Variants in LRFN2 observed in about 807,000 individuals in gnomAD.
LRFN2 encodes leucine rich repeat and fibronectin type III domain containing 2.
In LRFN2, 18 loss-of-function variants were observed where a neutral mutation model predicts 37.3. The observed-to-expected ratio is 0.48, with a 90% CI of 0.33 to 0.72. The LOEUF is 0.72. Among genes scored for constraint, LRFN2 ranks in the 30% least tolerant of loss-of-function variants. LRFN2 has a pLI of 0.02. For missense variants in LRFN2, 1,006 were observed against 1,060.7 expected, an observed-to-expected ratio of 0.95 and a Z score of 0.72; for synonymous variants, 556 against 466.6, an observed-to-expected ratio of 1.19 and a Z score of -2.47.
intron 1 of LRFN2, among the ~76,000 whole-genome samples, chr6:40,467,177 A>C (rs1764488968): frequency 6.6e-6 from 1 of 150,746 alleles, no homozygotes; most frequent in Non-Finnish European, 1.5e-5. Flanking sequence ...GATGATGATG[A>C]TGATGATGAT....
chr6:40,556,564 C>A (rs1766884149), intron 1 of LRFN2, among the ~76,000 whole-genome samples: 1 of 152,012 alleles, frequency 6.6e-6, no homozygotes, highest in African/African-American at 2.4e-5. Flanking sequence ...TGCTACACTG[C>A]TTGTCCTGAG....
chr6:40,538,082 C>G (rs1293249206), intron 1 of LRFN2, among the ~76,000 whole-genome samples: 2 of 152,194 alleles, frequency 1.3e-5, no homozygotes, highest in East Asian at 3.9e-4. Context: ...AACGCTAAGG[C>G]AGAGGCTGCC....
At chr6:40,469,494 C>T (rs1764547062) in intron 1 of LRFN2, among the ~76,000 whole-genome samples, 1 of 152,144 alleles carries the variant, frequency 6.6e-6, no homozygotes, top group Non-Finnish European at 1.5e-5. Context: ...ATGGGTGGGA[C>T]AGTATGCAAG....
chr6:40,433,607 GT>G lies in LRFN2; in HGVS notation c.-18-477del, dbSNP rs1323857028. ...TTGAGTTTGAAAGGATATTATGGCT[GT>G]TTTTTGAGGCATAATTTTACATTCT... On this transcript the variant is annotated intron_variant, in intron 1 of 2. Transcript: ENST00000338305. Among the ~76,000 whole-genome samples the G allele has an allele frequency of 1.1e-4, 16 of 152,260 alleles. No homozygotes were observed. The East Asian group carries it at 3.1e-3, about 29-fold the overall frequency.
chr6:40,556,286 GACTGAAC>G (rs1561906555), intron 1 of LRFN2, among the ~76,000 whole-genome samples: 1 of 152,192 alleles, frequency 6.6e-6, no homozygotes, highest in Admixed American at 6.5e-5. Context: ...ACCCAGCCCC[GACTGAAC>G]ACAGGCCCTT....
chr6:40,573,369 G>A (rs568626829), intron 1 of LRFN2, among the ~76,000 whole-genome samples: 14 of 152,314 alleles, frequency 9.2e-5, no homozygotes, highest in Non-Finnish European at 1.3e-4. Context: ...GTCGCAACCC[G>A]GCCACTTCTT....
At chr6:40,543,222 A>G (rs922093219) in intron 1 of LRFN2, among the ~76,000 whole-genome samples, 7 of 152,368 alleles carry the variant, frequency 4.6e-5, no homozygotes, top group South Asian at 4.1e-4. Flanking sequence ...TATAGCGCAG[A>G]GTCCAGAGGG....
At position 40,432,099 on chromosome 6, in the gene LRFN2, A is replaced by G; in HGVS notation, c.1015T>C (p.Tyr339His). Reference sequence around the variant, plus strand: ...AAGATGTCCAGGGTGCCATTGTCATAGACAGCGGTCCTTGAGGAGTTCCCT... The same window carrying G: ...AAGATGTCCAGGGTGCCATTGTCATGGACAGCGGTCCTTGAGGAGTTCCCT... Reference protein sequence around the residue: ...LVGNSSRTAVYDNGTLDIFIT... With the variant: ...LVGNSSRTAVHDNGTLDIFIT... The change falls in exon 2 of 3, where the codon TAT (tyrosine) becomes CAT (histidine). Residue 339 changes from tyrosine to histidine, a missense_variant. Tyr to His is a moderately conservative substitution (Grantham distance 83). Transcript: ENST00000338305. 6.2e-7 allele frequency: 1 copy of G among 1,613,988 alleles called. No individual in the cohort carries two copies.
At chr6:40,467,922 T>C (rs11962841) in intron 1 of LRFN2, among the ~76,000 whole-genome samples, 10,482 of 152,144 alleles carry the variant, frequency 0.069, 574 homozygotes, top group East Asian at 0.16. Context: ...GACCTAGTCC[T>C]TGTCATAGGC....
chr6:40,534,295 A>T (rs1766408282), intron 1 of LRFN2, among the ~76,000 whole-genome samples: 1 of 152,180 alleles, frequency 6.6e-6, no homozygotes, highest in Non-Finnish European at 1.5e-5. Context: ...TTTGGGGGTC[A>T]TGGACTCTTA....
chr6:40,495,080 T>C (rs535284859), intron 1 of LRFN2, among the ~76,000 whole-genome samples: 61 of 152,354 alleles, frequency 4.0e-4, no homozygotes, highest in South Asian at 1.2e-3. Context: ...CTAGTTCTAA[T>C]AACTGGGCAG....
At chr6:40,443,222 T>C (rs1352699518) in intron 1 of LRFN2, among the ~76,000 whole-genome samples, 1 of 152,162 alleles carries the variant, frequency 6.6e-6, no homozygotes, top group South Asian at 2.1e-4. Context: ...CCTGGACTTA[T>C]AGGAAACCAA....
At chr6:40,559,517 G>C (rs2113928655) in intron 1 of LRFN2, among the ~76,000 whole-genome samples, 1 of 152,242 alleles carries the variant, frequency 6.6e-6, no homozygotes. Flanking sequence ...TGGGAGCCTG[G>C]CCTGGGGCCC....
At chr6:40,494,008 A>G (rs1765161877) in intron 1 of LRFN2, among the ~76,000 whole-genome samples, 1 of 152,228 alleles carries the variant, frequency 6.6e-6, no homozygotes, top group African/African-American at 2.4e-5. Context: ...AAAGGGTGAA[A>G]TGGACCTCCC....
intron 1 of LRFN2, among the ~76,000 whole-genome samples, chr6:40,460,937 G>A (rs780790514): frequency 1.3e-5 from 2 of 152,174 alleles, no homozygotes; most frequent in Non-Finnish European, 2.9e-5. Flanking sequence ...TGAGTCTACG[G>A]AACAACTAGG....
intron 2 of LRFN2, among the ~76,000 whole-genome samples, chr6:40,397,585 C>A (rs1334578733): frequency 6.6e-6 from 1 of 152,174 alleles, no homozygotes; most frequent in Non-Finnish European, 1.5e-5. Context: ...GTCCTTCTAC[C>A]CACACAGCCT....
intron 1 of LRFN2, among the ~76,000 whole-genome samples, chr6:40,465,994 A>G (rs1459940100): frequency 6.6e-6 from 1 of 152,206 alleles, no homozygotes; most frequent in Admixed American, 6.5e-5. Flanking sequence ...TTAAGGCCCT[A>G]CAGTCTACCA....
chr6:40,474,180 T>C (rs1409611898), intron 1 of LRFN2, among the ~76,000 whole-genome samples: 1 of 152,128 alleles, frequency 6.6e-6, no homozygotes, highest in Non-Finnish European at 1.5e-5. Flanking sequence ...CAAATAGCCA[T>C]GCACTGAGTG....
At chr6:40,566,879 TATAATA>T (rs550658274) in intron 1 of LRFN2, among the ~76,000 whole-genome samples, 1 of 151,618 alleles carries the variant, frequency 6.6e-6, no homozygotes, top group Non-Finnish European at 1.5e-5. Context: ...AAACTTAAAG[TATAATA>T]ATAATAATAA....
Sources: gnomAD v4.1 joint callset for allele counts (sites outside exome capture counted in the v4.1 genomes callset) on GRCh38, gnomAD v4.1.1 for gene constraint, MANE v1.5 for transcripts, NCBI Gene and HGNC (gene_info 2026-07-23, HGNC 2026-07-21) for gene names.